Variants in SAGE1 observed in about 807,000 individuals in gnomAD.
SAGE1 encodes the protein cancer/testis antigen 14.
Under a neutral mutation model 55.4 loss-of-function variants are expected in SAGE1, and 55 were observed. The ratio of observed to expected loss-of-function variants is 0.99; its 90% CI spans 0.80 to 1.24. The LOEUF (loss-of-function observed/expected upper bound fraction) is 1.24. Among genes scored for constraint, SAGE1 ranks in the 50% most tolerant of loss-of-function variants. The pLI, the probability that SAGE1 is intolerant of heterozygous loss-of-function variation, is 0.00. For synonymous variants in SAGE1, 240 were observed against 244.3 expected, an observed-to-expected ratio of 0.98 and a Z score of 0.17; for missense variants, 710 against 704.4, an observed-to-expected ratio of 1.01 and a Z score of -0.09.
At chrX:135,912,688 T>C in intron 19 of SAGE1, 110 bp from the exon 20 acceptor site, 1 of 1,119,696 alleles carries the variant, frequency 8.9e-7, no homozygotes, top group Non-Finnish European at 1.2e-6. Flanking sequence ...TGAGGATGCA[T>C]TTTCTGTTTG....
chrX:135,903,966 C>G (rs2088733359), intron 3 of SAGE1, among the ~76,000 whole-genome samples: 1 of 112,205 alleles, frequency 8.9e-6, no homozygotes, highest in Non-Finnish European at 1.9e-5. Flanking sequence ...GTAAATCCTT[C>G]TGTTTCATGA....
rs1556601709 is a variant in SAGE1, at chrX:135,906,925, G to C, written c.737-1G>C. 4 of 1,209,002 alleles carry C rather than the reference G, an allele frequency of 3.3e-6. No homozygotes were observed. Among genetic ancestry groups the C allele is most frequent in the Non-Finnish European group, 4.5e-6 (4 of 894,054 alleles). Reference sequence around the variant, plus strand: ...GCTCAGCCTCTTCATTTGGTTTCCAGATGCTACCATCACTTACAATGTCCC... The same window carrying C: ...GCTCAGCCTCTTCATTTGGTTTCCACATGCTACCATCACTTACAATGTCCC... On this transcript the variant is annotated splice_acceptor_variant, in intron 7 of 19. Coordinates refer to ENST00000370709, the MANE Select transcript of SAGE1 (RefSeq NM_001381902.1). LOFTEE classifies it high-confidence loss of function.
At chrX:135,908,661 T>G (rs1480705708) in intron 12 of SAGE1, 44 bp downstream of exon 12, 6 of 1,127,444 alleles carry the variant, frequency 5.3e-6, no homozygotes, top group Non-Finnish European at 7.2e-6. Flanking sequence ...GATTTCCATA[T>G]GCATGCATAG....
intron 1 of SAGE1, among the ~76,000 whole-genome samples, chrX:135,894,244 G>C (rs1461883671): frequency 8.9e-6 from 1 of 111,766 alleles, no homozygotes; most frequent in African/African-American, 3.3e-5. Flanking sequence ...AGCTAATTTT[G>C]TATTTGTAGT....
At chrX:135,897,965 G>A (rs1272901328) in intron 2 of SAGE1, among the ~76,000 whole-genome samples, 1 of 112,102 alleles carries the variant, frequency 8.9e-6, no homozygotes, top group African/African-American at 3.2e-5. Context: ...TGATGATAAC[G>A]GCTTCTAGCT....
rs781929691 is a variant in SAGE1 at position 135,908,909 on chromosome X, G to A, written c.1487G>A (p.Gly496Asp). 2.0e-4 allele frequency: 242 copies of A among 1,206,751 alleles called. No individual in the cohort carries two copies. In the Admixed American group the frequency reaches 5.3e-3, roughly 26 times the overall value. ...GTTCGTGAAGAGAAGATGGAAAGTGGCAAACCCCAAACTGATAAGGTCATA... is the reference window on the plus strand; with the variant it reads ...GTTCGTGAAGAGAAGATGGAAAGTGACAAACCCCAAACTGATAAGGTCATA... ...HSVREEKMESGKPQTDKVISN... is the reference protein window; with the variant it reads ...HSVREEKMESDKPQTDKVISN... Residue 496 changes from glycine to aspartate, a missense_variant, in exon 13 of 20, where the codon GGC becomes GAC. By Grantham distance (94) the Gly-to-Asp change is moderately conservative (BLOSUM62 -1). Transcript: ENST00000370709.
At position 135,896,227 on chromosome X, in the gene SAGE1, T is replaced by A. The variant is rs1556593595; in HGVS notation, c.1-16T>A. The A allele has an allele frequency of 8.8e-7, 1 of 1,137,212 alleles. No individual in the cohort carries two copies. Among genetic ancestry groups the A allele is most frequent in the South Asian group, 1.8e-5 (1 of 55,058 alleles). 93.7% of individuals were successfully genotyped at this position (1,137,212 alleles called of 1,213,427 possible). ...TTCTAGTAACACACATAGTTAATTA[T>A]GAGGACTATCTGCAGATGCAGGCTT... On this transcript the variant is annotated splice_polypyrimidine_tract_variant and intron_variant, in intron 1 of 19. Transcript: ENST00000370709.
rs182368776 is a variant in SAGE1 at position 135,898,209 on chromosome X, C to T, written c.87+1880C>T. 2.4e-3 allele frequency among the ~76,000 whole-genome samples: 270 copies of T among 110,274 alleles called. 1 individual carries two copies. Among genetic ancestry groups the T allele is most frequent in the African/African-American group, 8.6e-3 (262 of 30,374 alleles). On this transcript the variant is annotated intron_variant, in intron 2 of 19. Transcript: ENST00000370709. ...ATTTTTTTTGTATTTTTAGTAGAGA[C>T]GGGGTTTCACCGTGTTAGCCAGGAT...
At chrX:135,895,217 G>T (rs2088566289) in intron 1 of SAGE1, among the ~76,000 whole-genome samples, 1 of 111,775 alleles carries the variant, frequency 8.9e-6, no homozygotes, top group South Asian at 3.7e-4. Flanking sequence ...TCAGATTCCA[G>T]AGATTGCACA....
intron 3 of SAGE1, among the ~76,000 whole-genome samples, chrX:135,903,869 A>G (rs1282496082): frequency 3.6e-5 from 4 of 112,608 alleles, no homozygotes; most frequent in Non-Finnish European, 5.6e-5. Flanking sequence ...TCTTTACTGC[A>G]TATATTCATT....
At position 135,912,080 on chromosome X, in the gene SAGE1, G is replaced by A. The variant is rs782239521; in HGVS notation, c.2521+127G>A. On this transcript the variant is annotated intron_variant, in intron 18 of 19. Transcript: ENST00000370709. ...ATTGGATCTATATATAATTTAGCATGGCTTTACTTTAATTTCACTGAAAAT... is the reference window on the plus strand; with the variant it reads ...ATTGGATCTATATATAATTTAGCATAGCTTTACTTTAATTTCACTGAAAAT... The A allele has an allele frequency of 3.4e-4, 374 of 1,108,540 alleles. 2 individuals carry two copies. In the South Asian group the frequency reaches 7.7e-3, roughly 23 times the overall value. 91.4% of individuals were successfully genotyped at this position (1,108,540 alleles called of 1,213,427 possible).
chrX:135,901,092 G>A (rs1266457286), intron 2 of SAGE1, among the ~76,000 whole-genome samples: 2 of 94,582 alleles, frequency 2.1e-5, no homozygotes, highest in Non-Finnish European at 4.1e-5. Flanking sequence ...GCAGTGAGCC[G>A]AGATCATGCA....
intron 9 of SAGE1, 24 bp from the exon 10 acceptor site, chrX:135,907,677 T>A: frequency 8.3e-7 from 1 of 1,205,828 alleles, no homozygotes; most frequent in South Asian, 1.8e-5. Flanking sequence ...AGCTCAGAGC[T>A]CAAGCTTTTC....
At position 135,910,814 on chromosome X, in the gene SAGE1, T is replaced by C. The variant is rs184405658; in HGVS notation, c.2005+259T>C. Among the ~76,000 whole-genome samples the C allele has an allele frequency of 7.2e-5, 8 of 111,149 alleles. No individual in the cohort carries two copies. The East Asian group carries it at 2.3e-3, about 32-fold the overall frequency. On this transcript the variant is annotated intron_variant, in intron 16 of 19. Transcript: ENST00000370709. ...TTCATTTGGTTTCCAAATGCAACCGTTACTCACCATGTCCGTGGAGAGAAG... is the reference window on the plus strand; with the variant it reads ...TTCATTTGGTTTCCAAATGCAACCGCTACTCACCATGTCCGTGGAGAGAAG...
chrX:135,895,376 C>T (rs1275778473), intron 1 of SAGE1, among the ~76,000 whole-genome samples: 1 of 112,250 alleles, frequency 8.9e-6, no homozygotes, highest in African/African-American at 3.2e-5. Context: ...TAAGTGGGGT[C>T]ATCTGTCCAC....
chrX:135,909,964 A>G, intron 14 of SAGE1, 66 bp from the exon 15 acceptor site: 1 of 1,095,599 alleles, frequency 9.1e-7, no homozygotes, highest in South Asian at 2.1e-5. Context: ...AGCATCAGGA[A>G]GATATACCTG....
chrX:135,903,222 A>C (rs1174793252), intron 3 of SAGE1, among the ~76,000 whole-genome samples: 1 of 112,419 alleles, frequency 8.9e-6, no homozygotes, highest in Admixed American at 9.4e-5. Flanking sequence ...CTGCCTCTGC[A>C]CAGGAGGCTC....
chrX:135,901,032 A>G (rs1165019549), intron 2 of SAGE1, among the ~76,000 whole-genome samples: 1 of 106,850 alleles, frequency 9.4e-6, no homozygotes, highest in African/African-American at 3.4e-5. Flanking sequence ...AGTCCCAGGA[A>G]CTCGGGAAGC....
chrX:135,898,265 C>A (rs782055362), intron 2 of SAGE1, among the ~76,000 whole-genome samples: 5 of 111,050 alleles, frequency 4.5e-5, no homozygotes, highest in African/African-American at 1.6e-4. Context: ...GTGATCCGCC[C>A]GCCTTGGCCT....
Sources: gnomAD v4.1 joint callset for allele counts (sites outside exome capture counted in the v4.1 genomes callset) on GRCh38, gnomAD v4.1.1 for gene constraint, MANE v1.5 for transcripts, NCBI Gene and HGNC (gene_info 2026-07-23, HGNC 2026-07-21) for gene names.